CCDC191: variants seen among roughly 807,000 people sequenced by gnomAD.
The protein encoded by CCDC191 is coiled-coil domain-containing protein 191.
A neutral mutation model predicts 114.0 loss-of-function variants in CCDC191; 99 were observed. The ratio of observed to expected loss-of-function variants is 0.87; its 90% CI spans 0.74 to 1.03. The LOEUF (loss-of-function observed/expected upper bound fraction) is 1.03. Among genes scored for constraint, CCDC191 ranks in the 50% least tolerant of loss-of-function variants. The probability of loss-of-function intolerance (pLI) is 0.00; values close to 1 mark genes in which losing one functional copy is unlikely to be tolerated. For synonymous variants in CCDC191, 351 were observed against 376.0 expected (o/e 0.93, Z 0.77); for missense variants, 973 against 1,087.0 (o/e 0.90, Z 1.47).
chr3:114,013,854 G>T (rs1287341244), intron 8 of CCDC191, among the ~76,000 whole-genome samples: 2 of 152,124 alleles, frequency 1.3e-5, no homozygotes, highest in Non-Finnish European at 2.9e-5. Flanking sequence ...AACTAGACAT[G>T]GGACACTGGG....
At chr3:114,008,625 A>G (rs1311384872) in intron 9 of CCDC191, among the ~76,000 whole-genome samples, 1 of 152,182 alleles carries the variant, frequency 6.6e-6, no homozygotes, top group East Asian at 1.9e-4. Flanking sequence ...AACTGTGTAT[A>G]ATACCAAACA....
chr3:114,013,779 G>C (rs1270775169), intron 8 of CCDC191, among the ~76,000 whole-genome samples: 6 of 152,174 alleles, frequency 3.9e-5, no homozygotes, highest in Non-Finnish European at 5.9e-5. Context: ...TGCCCAGGAT[G>C]AACACTCAAT....
chr3:113,971,574 G>A (rs1940826185), intron 16 of CCDC191, among the ~76,000 whole-genome samples: 1 of 152,128 alleles, frequency 6.6e-6, no homozygotes, highest in Admixed American at 6.5e-5. Context: ...ATTGAATTTG[G>A]TTTGCCGGTA....
At position 113,998,261 on chromosome 3, in the gene CCDC191, G is replaced by A. The variant is rs565759284; in HGVS notation, c.2163+3334C>T. Among the ~76,000 whole-genome samples the A allele has an allele frequency of 2.9e-5, 4 of 139,664 alleles. No homozygotes were observed. The South Asian group carries it at 8.9e-4, about 31-fold the overall frequency. The allele number at this position is 139,664 out of a possible 152,430, so 91.6% of individuals were successfully genotyped here. On this transcript the variant is annotated intron_variant, in intron 13 of 16. Transcript: ENST00000295878. ...GCGGAAGTTGCAGTGAGCCGAGATC[G>A]CACCATTGCACACCAGCCTGGGCAA... is the stretch of plus-strand genomic sequence containing the variant.
intron 8 of CCDC191, among the ~76,000 whole-genome samples, chr3:114,015,696 T>C (rs1381752962): frequency 6.6e-6 from 1 of 152,232 alleles, no homozygotes; most frequent in Non-Finnish European, 1.5e-5. Flanking sequence ...TAGAATTTTG[T>C]TGTATTACTA....
chr3:113,991,628 C>T (rs866106993), intron 13 of CCDC191, among the ~76,000 whole-genome samples: 7 of 152,292 alleles, frequency 4.6e-5, no homozygotes, highest in Middle Eastern at 6.8e-3. Context: ...TGTCTTCTCT[C>T]ATCATGCCTA....
At chr3:114,056,325 G>A (rs2076780528) in intron 1 of CCDC191, 52 bp downstream of exon 1, 1 of 1,572,980 alleles carries the variant, frequency 6.4e-7, no homozygotes, top group South Asian at 1.1e-5. Flanking sequence ...CTTCCTGACT[G>A]CGCCGCGCCT....
chr3:113,972,985 G>A (rs975967187), intron 16 of CCDC191, among the ~76,000 whole-genome samples: 7 of 151,950 alleles, frequency 4.6e-5, no homozygotes, highest in African/African-American at 1.7e-4. Flanking sequence ...GCATACAGTT[G>A]GATCTTGTTT....
chr3:114,032,529 A>G (rs2076421531), intron 6 of CCDC191, among the ~76,000 whole-genome samples: 1 of 152,202 alleles, frequency 6.6e-6, no homozygotes, highest in Non-Finnish European at 1.5e-5. Context: ...TGGTAAACAT[A>G]GCACCTAGTC....
At chr3:114,019,568 C>T (rs1190933021) in intron 7 of CCDC191, among the ~76,000 whole-genome samples, 1 of 152,184 alleles carries the variant, frequency 6.6e-6, no homozygotes, top group Non-Finnish European at 1.5e-5. Context: ...TTGCTTATAT[C>T]TTCTCTCTTT....
chr3:114,026,071 A>T (rs1240302670), intron 7 of CCDC191, among the ~76,000 whole-genome samples: 1 of 152,158 alleles, frequency 6.6e-6, no homozygotes, highest in Admixed American at 6.5e-5. Context: ...CTCTTTTTTC[A>T]ATTTTTAAAA....
intron 13 of CCDC191, among the ~76,000 whole-genome samples, chr3:114,000,025 G>A (rs902808809): frequency 6.6e-6 from 1 of 152,108 alleles, no homozygotes; most frequent in Admixed American, 6.5e-5. Context: ...GATTAACTAC[G>A]GTTTAAGGAG....
intron 7 of CCDC191, among the ~76,000 whole-genome samples, chr3:114,026,993 G>A (rs2076329472): frequency 6.6e-6 from 1 of 152,196 alleles, no homozygotes; most frequent in African/African-American, 2.4e-5. Context: ...GGATGAGAAT[G>A]AAGAAGGCCA....
chr3:113,965,554 CTGAT>C (rs1456484605), intron 16 of CCDC191, among the ~76,000 whole-genome samples, 195 bp from the exon 17 acceptor site: 8 of 152,104 alleles, frequency 5.3e-5, no homozygotes, highest in South Asian at 4.1e-4. Context: ...ATGAGAGTGA[CTGAT>C]TGATTGATAG....
At chr3:114,042,677 CTT>C (rs770910360) in intron 4 of CCDC191, 24 bp downstream of exon 4, 1 of 1,514,778 alleles carries the variant, frequency 6.6e-7, no homozygotes, top group Non-Finnish European at 8.8e-7. Context: ...GATGTTAAAA[CTT>C]AGAACAATCA....
chr3:114,048,264 G>T (rs919519439), intron 2 of CCDC191, among the ~76,000 whole-genome samples: 21 of 152,108 alleles, frequency 1.4e-4, no homozygotes, highest in Non-Finnish European at 3.1e-4. Context: ...ACAATTTCCT[G>T]ACAGGTTTTC....
chr3:114,002,579 A>ACT, intron 11 of CCDC191, 41 bp from the exon 12 acceptor site: 1 of 1,498,036 alleles, frequency 6.7e-7, no homozygotes, highest in East Asian at 2.3e-5. Flanking sequence ...TTTATATTGA[A>ACT]AAAATATGAG....
intron 13 of CCDC191, among the ~76,000 whole-genome samples, chr3:113,992,492 T>C (rs554698947): frequency 2.6e-5 from 4 of 152,040 alleles, no homozygotes; most frequent in Non-Finnish European, 4.4e-5. Context: ...AATAAGGAGA[T>C]TGAATGAGTA....
chr3:114,017,977 G>A (rs1222035933), intron 8 of CCDC191, among the ~76,000 whole-genome samples: 2 of 152,080 alleles, frequency 1.3e-5, no homozygotes, highest in Non-Finnish European at 2.9e-5. Flanking sequence ...TAAGATGATG[G>A]AATAAAGAAA....
Sources: allele counts gnomAD v4.1 joint callset (sites outside exome capture counted in the v4.1 genomes callset), GRCh38; gene constraint gnomAD v4.1.1; transcripts MANE v1.5; gene names NCBI Gene and HGNC (gene_info 2026-07-23, HGNC 2026-07-21).